Variants in SLC6A17 observed in about 807,000 individuals in gnomAD.
The protein encoded by SLC6A17 is sodium-dependent neutral amino acid transporter SLC6A17.
Under a neutral mutation model 64.5 loss-of-function variants are expected in SLC6A17, and 21 were observed. The ratio of observed to expected loss-of-function variants is 0.33; its 90% CI spans 0.23 to 0.47. The LOEUF (loss-of-function observed/expected upper bound fraction) is 0.47. Ranked by LOEUF, SLC6A17 falls within the 20% of genes least tolerant of loss-of-function variation. The pLI, the probability that SLC6A17 is intolerant of heterozygous loss-of-function variation, is 1.00. For synonymous variants in SLC6A17, 372 were observed against 399.5 expected (o/e 0.93, Z 0.82); for missense variants, 682 against 963.2 (o/e 0.71, Z 3.86).
chr1:110,185,608 C>A (rs1040562098), intron 6 of SLC6A17, among the ~76,000 whole-genome samples: 11 of 152,234 alleles, frequency 7.2e-5, no homozygotes, highest in Non-Finnish European at 1.5e-5. Context: ...AGAGCAGACA[C>A]CCCGAGGAGG....
chr1:110,164,535 G>T (rs562331927), intron 1 of SLC6A17, among the ~76,000 whole-genome samples: 1 of 152,228 alleles, frequency 6.6e-6, no homozygotes, highest in Non-Finnish European at 1.5e-5. Context: ...GCCCAGCCCA[G>T]TGCCTCAGCC....
chr1:110,164,104 C>T (rs899219975), intron 1 of SLC6A17, among the ~76,000 whole-genome samples: 2 of 152,194 alleles, frequency 1.3e-5, no homozygotes, highest in African/African-American at 4.8e-5. Context: ...GACACTTTGC[C>T]TGTTTTGTTT....
rs115767564 is a variant in SLC6A17 at position 110,179,142 on chromosome 1, C to T, written c.864+2403C>T. On this transcript the variant is annotated intron_variant, in intron 6 of 11. Transcript: ENST00000331565. ...CAGTTTTCATGGATGCATAGTATTT[C>T]GCTGTAGGACTAAACTGAAATGTAT... Among the ~76,000 whole-genome samples the T allele has an allele frequency of 2.5e-3, 382 of 152,250 alleles. 2 individuals carry two copies. Among genetic ancestry groups the T allele is most frequent in the Non-Finnish European group, 4.0e-3 (272 of 68,020 alleles).
At chr1:110,175,963 G>A (rs955818807) in intron 5 of SLC6A17, among the ~76,000 whole-genome samples, 11 of 152,208 alleles carry the variant, frequency 7.2e-5, no homozygotes, top group Non-Finnish European at 1.3e-4. Flanking sequence ...TTGGTAAGTG[G>A]TAGAGCCAGG....
chr1:110,152,948 G>C (rs911085429), intron 1 of SLC6A17, among the ~76,000 whole-genome samples: 4 of 152,160 alleles, frequency 2.6e-5, no homozygotes, highest in African/African-American at 9.7e-5. Flanking sequence ...CTTCCCATGT[G>C]ATTAAGAAGG....
intron 11 of SLC6A17, 30 bp downstream of exon 11, chr1:110,197,629 C>CATTT: frequency 6.4e-7 from 1 of 1,559,338 alleles, no homozygotes; most frequent in Middle Eastern, 1.8e-4. Flanking sequence ...ACCCCAGGGA[C>CATTT]ATTTGCATCT....
intron 1 of SLC6A17, among the ~76,000 whole-genome samples, chr1:110,162,966 G>A (rs1035795460): frequency 4.0e-5 from 6 of 150,598 alleles, no homozygotes; most frequent in Non-Finnish European, 7.4e-5. Context: ...AGTGAGCTGG[G>A]GTTGGAACCC....
intron 2 of SLC6A17, among the ~76,000 whole-genome samples, chr1:110,169,135 G>C (rs1213896779): frequency 6.6e-6 from 1 of 152,194 alleles, no homozygotes; most frequent in Non-Finnish European, 1.5e-5. Context: ...TCTGAGAGTT[G>C]AGTCTGTGCT....
At chr1:110,190,147 C>T (rs1352740699) in intron 6 of SLC6A17, among the ~76,000 whole-genome samples, 1 of 152,114 alleles carries the variant, frequency 6.6e-6, no homozygotes, top group African/African-American at 2.4e-5. Flanking sequence ...ACACCTTATA[C>T]CTAATAAGTA....
intron 10 of SLC6A17, among the ~76,000 whole-genome samples, chr1:110,196,321 A>G (rs986857240): frequency 3.9e-5 from 6 of 152,142 alleles, no homozygotes; most frequent in African/African-American, 1.4e-4. Flanking sequence ...TCTCTGACTC[A>G]CTCAGCATCG....
chr1:110,153,256 C>T (rs1293433072), intron 1 of SLC6A17, among the ~76,000 whole-genome samples: 2 of 152,152 alleles, frequency 1.3e-5, no homozygotes, highest in African/African-American at 4.8e-5. Context: ...TCCTCCCCAC[C>T]CATTCTATCC....
intron 6 of SLC6A17, 55 bp downstream of exon 6, chr1:110,176,794 G>A (rs878883657): frequency 1.4e-6 from 2 of 1,477,246 alleles, no homozygotes; most frequent in East Asian, 2.3e-5. Flanking sequence ...TACTGGGCCT[G>A]GTCAGCTTCC....
At chr1:110,175,153 T>C (rs1456706794) in intron 5 of SLC6A17, among the ~76,000 whole-genome samples, 193 bp downstream of exon 5, 17 of 152,146 alleles carry the variant, frequency 1.1e-4, no homozygotes, top group Admixed American at 1.1e-3. Context: ...ATGGAATAGC[T>C]GGAAAGTCAT....
chr1:110,157,755 C>G (rs1655795470), intron 1 of SLC6A17, among the ~76,000 whole-genome samples: 1 of 152,088 alleles, frequency 6.6e-6, no homozygotes, highest in Non-Finnish European at 1.5e-5. Context: ...CAGCACCTCC[C>G]ACTCTTCCAT....
At chr1:110,169,160 G>C (rs956600110) in intron 2 of SLC6A17, among the ~76,000 whole-genome samples, 1 of 152,136 alleles carries the variant, frequency 6.6e-6, no homozygotes, top group African/African-American at 2.4e-5. Context: ...AGCCATAGTC[G>C]ATGTAATCAA....
rs1451860145 is a variant in SLC6A17 at position 110,192,638 on chromosome 1, G to A, written c.1239G>A (p.Lys413=). 1.2e-6 allele frequency: 2 copies of A among 1,614,080 alleles called. No individual in the cohort carries two copies. The highest frequency in any genetic ancestry group is 1.7e-6 in the Non-Finnish European group (2 of 1,180,030). Residue 413 remains lysine, a synonymous_variant, in exon 8 of 12, where the codon AAG becomes AAA. Coordinates refer to ENST00000331565, the MANE Select transcript of SLC6A17 (RefSeq NM_001010898.4). This position sits in a 1 kb window ranked among gnomAD's most constrained non-coding sequence, Gnocchi z 4.3. ...MEMYNVIMTV[K]EDQFSALGLD... ...TGTACAATGTCATCATGACCGTGAA[G>A]GAGGACCAGTTCTCAGCCCTGGGCC...
At chr1:110,176,789 G>C in intron 6 of SLC6A17, 50 bp downstream of exon 6, 1 of 1,504,928 alleles carries the variant, frequency 6.6e-7, no homozygotes, top group African/African-American at 1.4e-5. Context: ...AGGTCTACTG[G>C]GCCTGGTCAG....
intron 1 of SLC6A17, among the ~76,000 whole-genome samples, chr1:110,152,717 A>G (rs1332857569): frequency 2.0e-5 from 3 of 152,158 alleles, no homozygotes; most frequent in Non-Finnish European, 2.9e-5. Context: ...GGGCAAGTCA[A>G]TTCACCTCGG....
At chr1:110,187,398 T>A (rs536807581) in intron 6 of SLC6A17, among the ~76,000 whole-genome samples, 1 of 152,310 alleles carries the variant, frequency 6.6e-6, no homozygotes, top group African/African-American at 2.4e-5. Flanking sequence ...GTTTGCCTTA[T>A]TTGAAGTTGG....
Sources: allele counts gnomAD v4.1 joint callset (sites outside exome capture counted in the v4.1 genomes callset), GRCh38; gene constraint gnomAD v4.1.1; non-coding constraint Gnocchi (gnomAD v3.1); transcripts MANE v1.5; gene names NCBI Gene and HGNC (gene_info 2026-07-23, HGNC 2026-07-21).